Variants in ZNF536 observed in about 807,000 individuals in gnomAD.
The protein encoded by ZNF536 is zinc finger protein 536.
ZNF536 carries 13 observed loss-of-function variants against 84.5 expected under a neutral mutation model. The ratio of observed to expected loss-of-function variants is 0.15; its 90% CI spans 0.10 to 0.24. ZNF536 has a LOEUF of 0.24. ZNF536 is among the 10% of genes least tolerant of loss of function. The pLI, the probability that ZNF536 is intolerant of heterozygous loss-of-function variation, is 1.00. For missense variants in ZNF536, 1,536 were observed against 1,747.5 expected (o/e 0.88, Z 2.16); for synonymous variants, 811 against 742.5 (o/e 1.09, Z -1.50).
At chr19:30,482,450 T>TG (rs1555779170) in intron 2 of ZNF536, among the ~76,000 whole-genome samples, 1 of 152,196 alleles carries the variant, frequency 6.6e-6, no homozygotes, top group Non-Finnish European at 1.5e-5. Flanking sequence ...CTCCTAACCA[T>TG]TGTCCCATCA....
rs56404227 is a variant in ZNF536, at chr19:30,527,219, C to CTT, written c.2171-7598_2171-7597dup. Reference sequence around the variant, plus strand: ...GGTGTGATCCACCACACCCAGCCTCCTTTTTTTTTTTTTTTTTTTTTTTTT... The same window carrying CTT: ...GGTGTGATCCACCACACCCAGCCTCCTTTTTTTTTTTTTTTTTTTTTTTTTTT... On this transcript the variant is annotated intron_variant, in intron 2 of 4. Coordinates refer to ENST00000355537, the MANE Select transcript of ZNF536 (RefSeq NM_014717.3). Among the ~76,000 whole-genome samples, 107 of 106,144 alleles carry CTT rather than the reference C, an allele frequency of 1.0e-3. 3 individuals carry two copies. The highest frequency in any genetic ancestry group is 2.4e-3 in the African/African-American group (62 of 25,742). The allele number at this position is 106,144 out of a possible 152,430, so 69.6% of individuals were successfully genotyped here.
Position 30,260,234 on chromosome 19 carries a change from G to C in ZNF536, c.-189-23838G>C, listed in dbSNP as rs143480470. Among the ~76,000 whole-genome samples the C allele has an allele frequency of 1.5e-3, 221 of 152,338 alleles. 1 individual carries two copies. Among genetic ancestry groups the C allele is most frequent in the African/African-American group, 5.0e-3 (207 of 41,584 alleles). On this transcript the variant is annotated intron_variant, in intron 1 of 5. Coordinates refer to the ZNF536 transcript ENST00000585628. ...AATGCCATCTCTCCGTACTGCAACA[G>C]GTCAGTGTAAAGTGTCTGTTCTTTG...
intron 1 of ZNF536, among the ~76,000 whole-genome samples, chr19:30,626,961 C>A (rs1294873528): frequency 6.6e-6 from 1 of 152,108 alleles, no homozygotes; most frequent in Non-Finnish European, 1.5e-5. Context: ...ATTAGCCAAA[C>A]CCCTGAAATG....
At chr19:30,612,813 T>C (rs2048147218) in intron 1 of ZNF536, among the ~76,000 whole-genome samples, 1 of 152,218 alleles carries the variant, frequency 6.6e-6, no homozygotes, top group African/African-American at 2.4e-5. Context: ...TTTGATGCAG[T>C]ATTACGAATT....
At chr19:30,424,267 G>A (rs1406717893) in intron 1 of ZNF536, among the ~76,000 whole-genome samples, 4 of 152,176 alleles carry the variant, frequency 2.6e-5, no homozygotes, top group South Asian at 4.1e-4. Flanking sequence ...TGGAGCAGGA[G>A]CACTAGGTGG....
chr19:30,283,745 G>A (rs935578158), intron 1 of ZNF536, among the ~76,000 whole-genome samples: 1 of 90,904 alleles, frequency 1.1e-5, no homozygotes, highest in Admixed American at 1.1e-4. Context: ...GAGAGAGGGA[G>A]AGAGAGAGAG....
At chr19:30,432,900 G>A (rs2051540437) in intron 1 of ZNF536, among the ~76,000 whole-genome samples, 1 of 152,162 alleles carries the variant, frequency 6.6e-6, no homozygotes, top group Admixed American at 6.5e-5. Flanking sequence ...TAGGACCTCA[G>A]CCGTTGGCGT....
In ZNF536 at chr19:30,548,150, G is replaced by T. The variant is rs549668648; in HGVS notation, c.2531G>T (p.Gly844Val). ...RPDILRGAFKGLPGIDFRGGP... is the reference protein window; with the variant it reads ...RPDILRGAFKVLPGIDFRGGP... ...GACATCCTGAGGGGGGCCTTCAAGG[G>T]TCTCCCTGGAATCGACTTCAGAGGA... The change falls in exon 4 of 5, where the codon GGT becomes GTT. Residue 844 changes from glycine (G) to valine (V), a missense_variant. Gly to Val is a moderately radical substitution (Grantham distance 109). This residue lies in a region of ZNF536 where 624 missense variants were observed against 603.1 expected (regional missense o/e 1.03). Transcript: ENST00000355537. The T allele has an allele frequency of 1.9e-4, 299 of 1,614,096 alleles. No individual in the cohort carries two copies. The South Asian group carries it at 2.7e-3, about 14-fold the overall frequency.
rs137959230 is a variant in ZNF536, at chr19:30,470,837, C to T, written c.2170+25105C>T. ...AGTAGCTGGGATTATAGGTGCATGC[C>T]ACCACGTCCAGCTACTCTTTTTGTA... On this transcript the variant is annotated intron_variant, in intron 2 of 4. Coordinates refer to ENST00000355537, the MANE Select transcript of ZNF536 (RefSeq NM_014717.3). 4.7e-3 allele frequency among the ~76,000 whole-genome samples: 718 copies of T among 152,058 alleles called. 8 individuals carry two copies. The highest frequency in any genetic ancestry group is 0.017 in the African/African-American group (690 of 41,468).
chr19:30,529,607 G>A (rs563467737), intron 2 of ZNF536, among the ~76,000 whole-genome samples: 1 of 152,208 alleles, frequency 6.6e-6, no homozygotes, highest in African/African-American at 2.4e-5. Flanking sequence ...ATAAGAACAA[G>A]CGAATGGGCA....
chr19:30,354,399 G>C (rs1378029579), intron 3 of ZNF536, among the ~76,000 whole-genome samples: 1 of 152,138 alleles, frequency 6.6e-6, no homozygotes, highest in Non-Finnish European at 1.5e-5. Context: ...ATGGGGTCTT[G>C]CTCTGTCACC....
intron 2 of ZNF536, among the ~76,000 whole-genome samples, chr19:30,304,808 G>T (rs6510109): frequency 0.32 from 48,858 of 152,132 alleles, 10,991 homozygotes; most frequent in East Asian, 0.6. Context: ...GCTCTTAGCC[G>T]CTGCAGGCAC....
intron 1 of ZNF536, among the ~76,000 whole-genome samples, chr19:30,377,903 G>C (rs1445353673): frequency 6.6e-6 from 1 of 152,128 alleles, no homozygotes; most frequent in Non-Finnish European, 1.5e-5. Context: ...GAGTTGCTCT[G>C]GTTCACCTGC....
intron 1 of ZNF536, among the ~76,000 whole-genome samples, chr19:30,567,305 C>T (rs560303478): frequency 6.6e-5 from 10 of 152,262 alleles, no homozygotes; most frequent in Admixed American, 2.6e-4. Flanking sequence ...AGCGCGTGGG[C>T]GGGGCACTGG....
At chr19:30,381,893 A>G (rs772353560) in intron 1 of ZNF536, among the ~76,000 whole-genome samples, 1 of 152,188 alleles carries the variant, frequency 6.6e-6, no homozygotes, top group Non-Finnish European at 1.5e-5. Context: ...TCCTTGAAGT[A>G]TCAAAGCATT....
At chr19:30,275,774 T>C (rs1383015247) in intron 1 of ZNF536, among the ~76,000 whole-genome samples, 1 of 152,174 alleles carries the variant, frequency 6.6e-6, no homozygotes, top group Non-Finnish European at 1.5e-5. Context: ...AATGCTAGTT[T>C]TCATTCTTAT....
rs142793007 is a variant in ZNF536 at position 30,378,395 on chromosome 19, A to G, written c.-3+5839A>G. On this transcript the variant is annotated intron_variant, in intron 1 of 4. Coordinates refer to ENST00000355537, the MANE Select transcript of ZNF536 (RefSeq NM_014717.3). ...AGTCTGGTCTTCAACTCCTGACCTC[A>G]GGTGATCTGCCTGCCTTGGCCTCCC... 2.3e-3 allele frequency among the ~76,000 whole-genome samples: 355 copies of G among 152,300 alleles called. 7 individuals carry two copies. The highest frequency in any genetic ancestry group is 3.4e-3 in the Middle Eastern group (1 of 294).
At chr19:30,700,211 TC>T in intron 1 of ZNF536, among the ~76,000 whole-genome samples, 1 of 118,014 alleles carries the variant, frequency 8.5e-6, no homozygotes, top group South Asian at 2.7e-4. Context: ...CTTCTTTCTT[TC>T]CTTCTTTCTT....
intron 2 of ZNF536, among the ~76,000 whole-genome samples, chr19:30,458,100 G>A (rs867936036): frequency 6.6e-6 from 1 of 152,112 alleles, no homozygotes; most frequent in Non-Finnish European, 1.5e-5. Context: ...TAAAGGAAAG[G>A]CTGAGGGCGG....
Sources: gnomAD v4.1 joint callset for allele counts (sites outside exome capture counted in the v4.1 genomes callset) on GRCh38, gnomAD v4.1.1 for gene constraint, gnomAD v4.1.1 regional missense constraint, MANE v1.5 for transcripts, NCBI Gene and HGNC (gene_info 2026-07-23, HGNC 2026-07-21) for gene names.